Variants in TSPAN5 observed in about 807,000 individuals in gnomAD.
TSPAN5 encodes the protein tetraspanin 5, also known as tetraspanin-5.
A neutral mutation model predicts 37.1 loss-of-function variants in TSPAN5; 10 were observed. That is an observed-to-expected ratio of 0.27 (90% CI 0.17 to 0.46). The LOEUF (loss-of-function observed/expected upper bound fraction) is 0.46. Among genes scored for constraint, TSPAN5 ranks in the 20% least tolerant of loss-of-function variants. TSPAN5 has a pLI of 1.00. For missense variants in TSPAN5, 195 were observed against 326.6 expected, an observed-to-expected ratio of 0.60 and a Z score of 3.11; for synonymous variants, 110 against 118.9, an observed-to-expected ratio of 0.93 and a Z score of 0.48.
At chr4:98,632,199 C>T (rs1006051433) in intron 1 of TSPAN5, among the ~76,000 whole-genome samples, 1 of 152,162 alleles carries the variant, frequency 6.6e-6, no homozygotes, top group Non-Finnish European at 1.5e-5. Context: ...TGGTGCCTCC[C>T]ACTATCATAT....
At chr4:98,574,213 G>T (rs1002849129) in intron 1 of TSPAN5, among the ~76,000 whole-genome samples, 1 of 152,092 alleles carries the variant, frequency 6.6e-6, no homozygotes, top group African/African-American at 2.4e-5. Flanking sequence ...ACCTTTAAAG[G>T]TTTATGCGCA....
chr4:98,495,838 C>A lies in TSPAN5; in HGVS notation c.133-8954G>T, dbSNP rs570994099. Among the ~76,000 whole-genome samples, 32 of 152,008 alleles carry A rather than the reference C, an allele frequency of 2.1e-4. 1 individual carries two copies. Among genetic ancestry groups the A allele is most frequent in the Admixed American group, 1.0e-3 (16 of 15,272 alleles). On this transcript the variant is annotated intron_variant, in intron 2 of 7. Coordinates refer to ENST00000305798, the MANE Select transcript of TSPAN5 (RefSeq NM_005723.4). ...GGCAAGCTTCTTCTCGCAACCCACA[C>A]AGAAAAGAAATACAAAAATAGCATT...
At chr4:98,496,235 G>A (rs1002215008) in intron 2 of TSPAN5, 2 of 152,240 alleles carry the variant, frequency 1.3e-5, no homozygotes, top group African/African-American at 4.8e-5. Context: ...AGAGGAACCT[G>A]CCCCTATAAA....
rs981524042 is a variant in TSPAN5, at chr4:98,640,970, G to T, written c.81+17176C>A. Reference sequence around the variant, plus strand: ...AATATTACCCACTTTTTGCCCAAAAGGAGTAGTTCAAAGTGATGAAGTAAC... The same window carrying T: ...AATATTACCCACTTTTTGCCCAAAATGAGTAGTTCAAAGTGATGAAGTAAC... On this transcript the variant is annotated intron_variant, in intron 1 of 7. Transcript: ENST00000305798. 2.0e-4 allele frequency among the ~76,000 whole-genome samples: 30 copies of T among 152,152 alleles called. 1 individual carries two copies. The highest frequency in any genetic ancestry group is 5.9e-4 in the Admixed American group (9 of 15,284).
intron 1 of TSPAN5, among the ~76,000 whole-genome samples, chr4:98,651,889 T>G (rs1757195693): frequency 9.4e-6 from 1 of 106,348 alleles, no homozygotes; most frequent in Non-Finnish European, 1.9e-5. Context: ...TTTTTTTTTT[T>G]TGAGACAGGG....
At chr4:98,656,428 C>T (rs1212953332) in intron 1 of TSPAN5, among the ~76,000 whole-genome samples, 2 of 152,176 alleles carry the variant, frequency 1.3e-5, no homozygotes, top group African/African-American at 4.8e-5. Context: ...AGTCCCAGTT[C>T]GGTAGTCCGT....
chr4:98,575,363 C>CT (rs556634724), intron 1 of TSPAN5, among the ~76,000 whole-genome samples: 2,270 of 136,900 alleles, frequency 0.017, 47 homozygotes, highest in African/African-American at 0.054. Flanking sequence ...CTGGCGGGCT[C>CT]TTTTTTTTTT....
chr4:98,479,873 C>G (rs748604089), intron 4 of TSPAN5, among the ~76,000 whole-genome samples: 72 of 152,322 alleles, frequency 4.7e-4, no homozygotes, highest in South Asian at 6.2e-4. Flanking sequence ...TCCCTGTATA[C>G]TGTACTTTTG....
chr4:98,551,780 A>G (rs539162163), intron 1 of TSPAN5, among the ~76,000 whole-genome samples: 42 of 151,950 alleles, frequency 2.8e-4, no homozygotes, highest in African/African-American at 9.9e-4. Flanking sequence ...GATTACAGGC[A>G]TGAGCCACTG....
chr4:98,481,918 G>A lies in TSPAN5; in HGVS notation c.450+87C>T, dbSNP rs550182851. The A allele has an allele frequency of 6.7e-6, 9 of 1,335,608 alleles. No homozygotes were observed. In the South Asian group the frequency reaches 1.0e-4, roughly 15 times the overall value. 82.7% of individuals were successfully genotyped at this position (1,335,608 alleles called of 1,614,324 possible). The stretch of plus-strand genomic sequence containing the variant: ...AGAATAGTCAGGTAGTTTCCAGCTG[G>A]CAGATGCAGAAACCAGGAGGGATGA... On this transcript the variant is annotated intron_variant, in intron 4 of 7. Transcript: ENST00000305798.
intron 1 of TSPAN5, among the ~76,000 whole-genome samples, chr4:98,615,440 G>A (rs574683826): frequency 2.5e-4 from 38 of 150,588 alleles, no homozygotes; most frequent in African/African-American, 8.5e-4. Context: ...AATGTCCCGT[G>A]TTTGACTATC....
At chr4:98,477,735 C>T (rs777153452) in intron 5 of TSPAN5, among the ~76,000 whole-genome samples, 5 of 151,380 alleles carry the variant, frequency 3.3e-5, no homozygotes, top group Non-Finnish European at 7.4e-5. Flanking sequence ...GATCATGGCT[C>T]ACTGCAGCCT....
At chr4:98,539,283 A>T (rs1457821860) in intron 1 of TSPAN5, among the ~76,000 whole-genome samples, 3 of 152,234 alleles carry the variant, frequency 2.0e-5, no homozygotes, top group Non-Finnish European at 4.4e-5. Context: ...TGCATCTAAA[A>T]GCAGAATAAG....
chr4:98,628,264 AT>A (rs1056181870), intron 1 of TSPAN5, among the ~76,000 whole-genome samples: 3 of 152,126 alleles, frequency 2.0e-5, no homozygotes, highest in Admixed American at 6.5e-5. Flanking sequence ...TTGTGGGGCC[AT>A]TTTTTAAATA....
At chr4:98,610,353 C>T (rs1033617644) in intron 1 of TSPAN5, among the ~76,000 whole-genome samples, 14 of 152,220 alleles carry the variant, frequency 9.2e-5, no homozygotes, top group African/African-American at 2.9e-4. Flanking sequence ...CACGGTTACA[C>T]TGGGGACTAA....
Position 98,533,643 on chromosome 4 carries a change from C to T in TSPAN5, c.82-25915G>A, listed in dbSNP as rs1754156795. On this transcript the variant is annotated intron_variant, in intron 1 of 7. Transcript: ENST00000305798. ...TTGGCTCACTGCAAGCTCTGCCTCC[C>T]GGGTTCACACTATTCTCCTGCCTCA... is the stretch of plus-strand genomic sequence containing the variant. 3.5e-5 allele frequency among the ~76,000 whole-genome samples: 5 copies of T among 141,966 alleles called. No individual in the cohort carries two copies. In the Admixed American group the frequency reaches 3.6e-4, roughly 10 times the overall value. 93.1% of individuals were successfully genotyped at this position (141,966 alleles called of 152,430 possible).
At chr4:98,541,544 G>C (rs891821066) in intron 1 of TSPAN5, among the ~76,000 whole-genome samples, 1 of 151,800 alleles carries the variant, frequency 6.6e-6, no homozygotes, top group African/African-American at 2.4e-5. Context: ...GGGCATGGTG[G>C]CATGCCTATA....
At chr4:98,585,153 G>T (rs1409838501) in intron 1 of TSPAN5, among the ~76,000 whole-genome samples, 1 of 152,048 alleles carries the variant, frequency 6.6e-6, no homozygotes. Flanking sequence ...TACATTTAGG[G>T]GGTACAAGTG....
chr4:98,575,115 A>G (rs1295341953), intron 1 of TSPAN5, among the ~76,000 whole-genome samples: 1 of 152,198 alleles, frequency 6.6e-6, no homozygotes, highest in African/African-American at 2.4e-5. Context: ...ACACCTCATG[A>G]CACAGGGAAA....
Sources: allele counts gnomAD v4.1 joint callset (sites outside exome capture counted in the v4.1 genomes callset), GRCh38; gene constraint gnomAD v4.1.1; transcripts MANE v1.5; gene names NCBI Gene and HGNC (gene_info 2026-07-23, HGNC 2026-07-21).